The following TMEM63A variants were observed in gnomAD, a reference collection of about 807,000 sequenced individuals.
TMEM63A encodes the protein transmembrane protein 63A.
TMEM63A carries 76 observed loss-of-function variants against 100.6 expected under a neutral mutation model. The ratio of observed to expected loss-of-function variants is 0.76; its 90% CI spans 0.63 to 0.91. The LOEUF is 0.91. Ranked by LOEUF, TMEM63A falls within the 40% of genes least tolerant of loss-of-function variation. The pLI is 0.00. For missense variants in TMEM63A, 876 were observed against 1,008.8 expected (o/e 0.87, Z 1.78); for synonymous variants, 401 against 401.1 (o/e 1.00, Z 0.00).
intron 1 of TMEM63A, among the ~76,000 whole-genome samples, chr1:225,880,030 T>C (rs2102651139): frequency 6.6e-6 from 1 of 152,304 alleles, no homozygotes; most frequent in South Asian, 2.1e-4. Context: ...CTGCGGCTCC[T>C]CTTCCCCCTC....
In TMEM63A at chr1:225,878,884, C is replaced by CCACACA. The variant is rs1559054316; in HGVS notation, c.-15+335_-15+336insTGTGTG. ...GACACCTACCTACCTACCTACCTAC[C>CCACACA]TACACACACACACACACACACACAC... On this transcript the variant is annotated intron_variant, in intron 2 of 24. Coordinates refer to ENST00000366835, the MANE Select transcript of TMEM63A (RefSeq NM_014698.3). 7.0e-4 allele frequency among the ~76,000 whole-genome samples: 36 copies of CCACACA among 51,618 alleles called. 1 individual carries two copies. The highest frequency in any genetic ancestry group is 2.6e-3 in the African/African-American group (35 of 13,690). The allele number at this position is 51,618 out of a possible 152,430, so 33.9% of individuals were successfully genotyped here.
Position 225,862,546 on chromosome 1 carries a change from G to T in TMEM63A, c.860C>A (p.Thr287Lys). 1.2e-6 allele frequency: 2 copies of T among 1,614,090 alleles called. No individual in the cohort carries two copies. The highest frequency in any genetic ancestry group is 1.7e-6 in the Non-Finnish European group (2 of 1,180,004). The change falls in exon 12 of 25, where the codon ACA (threonine) becomes AAA (lysine). Residue 287 changes from threonine to lysine, a missense_variant. Around this residue, in one of 5 missense-constraint regions of TMEM63A, gnomAD observed 487 missense variants for 581.9 expected, o/e 0.84. Coordinates refer to ENST00000366835, the MANE Select transcript of TMEM63A (RefSeq NM_014698.3). This position sits in a 1 kb window ranked among gnomAD's most constrained non-coding sequence, Gnocchi z 5.1. ...KKTEKSLTYYTNLQVKTGQRT... is the reference protein window; with the variant it reads ...KKTEKSLTYYKNLQVKTGQRT... ...CTGGCCTGTCTTCACCTGCAGGTTT[G>T]TGTAATAGGTCAGGCTCTTCTCAGT...
intron 2 of TMEM63A, among the ~76,000 whole-genome samples, chr1:225,878,905 CACACACACACA>C (rs1670955687): frequency 6.6e-6 from 1 of 151,794 alleles, no homozygotes; most frequent in South Asian, 2.1e-4. Context: ...CACACACACA[CACACACACACA>C]CACACACGAA....
intron 19 of TMEM63A, 113 bp from the exon 20 acceptor site, chr1:225,852,882 G>C (rs1270333324): frequency 1.1e-6 from 1 of 892,726 alleles, no homozygotes; most frequent in East Asian, 2.6e-5. Flanking sequence ...GGAAATAGGA[G>C]ATGCGTGGCT....
intron 18 of TMEM63A, 62 bp downstream of exon 18, chr1:225,855,816 C>T: frequency 1.3e-6 from 2 of 1,557,972 alleles, no homozygotes; most frequent in Non-Finnish European, 1.8e-6. Context: ...CACTGCAGCC[C>T]CAGCCCCTGT....
At position 225,865,496 on chromosome 1, in the gene TMEM63A, C is replaced by G. The variant is rs531726936; in HGVS notation, c.746+401G>C. On this transcript the variant is annotated intron_variant, in intron 10 of 24. Transcript: ENST00000366835. This position sits in a 1 kb window ranked among gnomAD's most constrained non-coding sequence, Gnocchi z 4.6. ...CGCAGAGATGGCCCCGAGGTCCTTC[C>G]ACCTGTGAGACCCTAGCCCTGTGGG... 5.9e-6 allele frequency: 1 copy of G among 168,152 alleles called. No individual in the cohort carries two copies. The highest frequency in any genetic ancestry group is 1.6e-4 in the South Asian group (1 of 6,344). The allele number at this position is 168,152 out of a possible 1,614,324, so 10.4% of individuals were successfully genotyped here. A position where few individuals can be genotyped will look rare whatever the true frequency, so the allele number is the denominator to read the frequency against.
At position 225,862,042 on chromosome 1, in the gene TMEM63A, A is replaced by C; in HGVS notation, c.1085+176T>G. 9.9e-7 allele frequency: 1 copy of C among 1,014,196 alleles called. No homozygotes were observed. The highest frequency in any genetic ancestry group is 1.4e-6 in the Non-Finnish European group (1 of 709,860). The allele number at this position is 1,014,196 out of a possible 1,614,324, so 62.8% of individuals were successfully genotyped here. Reference sequence around the variant, plus strand: ...CACCCCCACCGCCTGTTACACAAACATGGGCTGGGCTGGCTGAAAGTGAGT... The same window carrying C: ...CACCCCCACCGCCTGTTACACAAACCTGGGCTGGGCTGGCTGAAAGTGAGT... On this transcript the variant is annotated intron_variant, in intron 13 of 24. Transcript: ENST00000366835. The surrounding 1 kb of genome is among the most constrained non-coding windows in gnomAD (Gnocchi z 5.1).
At chr1:225,875,327 C>T (rs1188045126) in intron 3 of TMEM63A, among the ~76,000 whole-genome samples, 3 of 152,228 alleles carry the variant, frequency 2.0e-5, no homozygotes, top group Admixed American at 2.0e-4. Flanking sequence ...TGTCCTCACT[C>T]CCCACAGTCC....
At position 225,867,227 on chromosome 1, in the gene TMEM63A, A is replaced by G. The variant is rs1297424476; in HGVS notation, c.515-64T>C. The G allele has an allele frequency of 1.0e-5, 16 of 1,548,770 alleles. No homozygotes were observed. Among genetic ancestry groups the G allele is most frequent in the Middle Eastern group, 1.7e-4 (1 of 5,938 alleles). On this transcript the variant is annotated intron_variant, in intron 7 of 24. Transcript: ENST00000366835. The surrounding 1 kb of genome is among the most constrained non-coding windows in gnomAD (Gnocchi z 4.6). ...GGGGAAGCAGGAGGGGGCGTAACCA[A>G]TCAGCCTTGGTTTGTGGAGCTCTGG...
Position 225,857,104 on chromosome 1 carries a change from G to C in TMEM63A, c.1378-87C>G, listed in dbSNP as rs889999747. ...CATGACCTATTGGTATGGTCGCTCA[G>C]TGGACTCCCAGGGTAGGAGTTTGTC... is the stretch of plus-strand genomic sequence containing the variant. On this transcript the variant is annotated intron_variant, in intron 15 of 24. Transcript: ENST00000366835. The C allele has an allele frequency of 7.0e-6, 8 of 1,146,528 alleles. No homozygotes were observed. The African/African-American group carries it at 1.1e-4, about 16-fold the overall frequency. The allele number at this position is 1,146,528 out of a possible 1,614,324, so 71.0% of individuals were successfully genotyped here.
At chr1:225,845,373 C>A (rs1181598542), downstream of TMEM63A, 1 of 1,548,852 alleles carries the variant, frequency 6.5e-7, no homozygotes, top group Non-Finnish European at 8.7e-7. Flanking sequence ...CCGCCTGCCA[C>A]CTCCCCCCAC....
At position 225,853,281 on chromosome 1, in the gene TMEM63A, G is replaced by A. The variant is rs915643970; in HGVS notation, c.1797+348C>T. ...AATCCTGGAATAAATGCCACAAGCC[G>A]AAAATGCCTTTGACATCTGGGGTTT... is the stretch of plus-strand genomic sequence containing the variant. On this transcript the variant is annotated intron_variant, in intron 19 of 24. Transcript: ENST00000366835. The surrounding 1 kb of genome is among the most constrained non-coding windows in gnomAD (Gnocchi z 4.0). Among the ~76,000 whole-genome samples, 6 of 152,218 alleles carry A rather than the reference G, an allele frequency of 3.9e-5. No individual in the cohort carries two copies. The highest frequency in any genetic ancestry group is 8.8e-5 in the Non-Finnish European group (6 of 68,032).
intron 15 of TMEM63A, among the ~76,000 whole-genome samples, chr1:225,858,332 T>G (rs981675594): frequency 6.0e-5 from 9 of 149,432 alleles, no homozygotes; most frequent in African/African-American, 1.7e-4. Context: ...TTTTTTTTTT[T>G]TTTTTTTTTT....
At chr1:225,851,365 G>GT (rs1045943234) in intron 20 of TMEM63A, among the ~76,000 whole-genome samples, 1 of 152,040 alleles carries the variant, frequency 6.6e-6, no homozygotes, top group Non-Finnish European at 1.5e-5. Context: ...AGGTTCTTTT[G>GT]TTTTTTTATT....
At chr1:225,856,599 T>C in intron 17 of TMEM63A, 53 bp downstream of exon 17, 5 of 1,581,322 alleles carry the variant, frequency 3.2e-6, no homozygotes, top group Non-Finnish European at 4.3e-6. Flanking sequence ...GGGACAGTGC[T>C]CTCCTGATGT....
In TMEM63A at chr1:225,846,715, T is replaced by C. The variant is rs1159171508; in HGVS notation, c.*224A>G. ...CCACATGGTCTTGGCGACAAACCACTGGGGATGTCACCCCAGCTGCAGAGC... is the reference window on the plus strand; with the variant it reads ...CCACATGGTCTTGGCGACAAACCACCGGGGATGTCACCCCAGCTGCAGAGC... On this transcript the variant is annotated 3_prime_UTR_variant, in exon 25 of 25. Transcript: ENST00000366835. 2.2e-5 allele frequency: 6 copies of C among 276,424 alleles called. No individual in the cohort carries two copies. Among genetic ancestry groups the C allele is most frequent in the Non-Finnish European group, 4.1e-5 (6 of 147,148 alleles). The allele number at this position is 276,424 out of a possible 1,614,324, so 17.1% of individuals were successfully genotyped here.
At chr1:225,855,550 C>T (rs1256155032) in intron 18 of TMEM63A, among the ~76,000 whole-genome samples, 1 of 152,144 alleles carries the variant, frequency 6.6e-6, no homozygotes, top group African/African-American at 2.4e-5. Flanking sequence ...TTCCCCACTC[C>T]CTGGCACCAC....
intron 15 of TMEM63A, among the ~76,000 whole-genome samples, chr1:225,857,378 G>A (rs1559039226): frequency 4.8e-5 from 1 of 20,876 alleles, no homozygotes; most frequent in African/African-American, 1.8e-4. Flanking sequence ...GTCCTGGCCG[G>A]CGGGGCGGGG....
chr1:225,869,434 T>C (rs1670379806), intron 6 of TMEM63A, among the ~76,000 whole-genome samples: 1 of 152,316 alleles, frequency 6.6e-6, no homozygotes, highest in East Asian at 1.9e-4. Flanking sequence ...CATGGGGCTC[T>C]GTCTCCTGCC....
Sources: allele counts gnomAD v4.1 joint callset (sites outside exome capture counted in the v4.1 genomes callset), GRCh38; gene constraint gnomAD v4.1.1; regional missense constraint gnomAD v4.1.1; non-coding constraint Gnocchi (gnomAD v3.1); transcripts MANE v1.5; gene names NCBI Gene and HGNC (gene_info 2026-07-23, HGNC 2026-07-21).